Variants in NWD2 observed in about 807,000 individuals in gnomAD.
The protein encoded by NWD2 is NACHT and WD repeat domain containing 2.
A neutral mutation model predicts 132.7 loss-of-function variants in NWD2; 37 were observed. That is an observed-to-expected ratio of 0.28 (90% confidence interval 0.21 to 0.37). NWD2 has a LOEUF of 0.37. Ranked by LOEUF, NWD2 falls within the 10% of genes least tolerant of loss-of-function variation. The pLI is 1.00. For missense variants in NWD2, 1,592 were observed against 2,122.4 expected (o/e 0.75, Z 4.91); for synonymous variants, 705 against 803.0 (o/e 0.88, Z 2.06).
intron 3 of NWD2, among the ~76,000 whole-genome samples, chr4:37,403,237 G>T (rs1319544207): frequency 6.6e-6 from 1 of 152,186 alleles, no homozygotes; most frequent in Non-Finnish European, 1.5e-5. Flanking sequence ...CATTCTGGTA[G>T]TTTATAGTGG....
intron 3 of NWD2, among the ~76,000 whole-genome samples, chr4:37,409,756 G>T (rs1721118271): frequency 6.6e-6 from 1 of 152,170 alleles, no homozygotes; most frequent in African/African-American, 2.4e-5. Flanking sequence ...CAGCCAGAGA[G>T]AAAGGTCGGG....
chr4:37,363,753 A>G (rs919167709), intron 3 of NWD2, among the ~76,000 whole-genome samples: 1 of 152,206 alleles, frequency 6.6e-6, no homozygotes, highest in Non-Finnish European at 1.5e-5. Context: ...CCCAAACCTC[A>G]GCATCATGCA....
At chr4:37,347,126 A>G (rs993825899) in intron 2 of NWD2, among the ~76,000 whole-genome samples, 1 of 151,970 alleles carries the variant, frequency 6.6e-6, no homozygotes, top group Non-Finnish European at 1.5e-5. Context: ...AATTTCCTAA[A>G]TTTTTTTGTA....
At chr4:37,348,712 C>T (rs111858498) in intron 2 of NWD2, among the ~76,000 whole-genome samples, 1,261 of 110,298 alleles carry the variant, frequency 0.011, 32 homozygotes, top group African/African-American at 0.044. Context: ...ACTTTAAGTT[C>T]TGAGATACAT....
At chr4:37,251,172 G>A (rs573803991) in intron 1 of NWD2, among the ~76,000 whole-genome samples, 1 of 152,150 alleles carries the variant, frequency 6.6e-6, no homozygotes, top group Non-Finnish European at 1.5e-5. Context: ...CCAGCTACTT[G>A]GGAGGCTGAG....
intron 3 of NWD2, among the ~76,000 whole-genome samples, chr4:37,394,527 G>C (rs903096706): frequency 6.6e-6 from 1 of 152,164 alleles, no homozygotes; most frequent in African/African-American, 2.4e-5. Flanking sequence ...TAAAGTGAGA[G>C]GAGTAGATTG....
At chr4:37,311,839 C>A (rs113360849) in intron 1 of NWD2, among the ~76,000 whole-genome samples, 1 of 149,356 alleles carries the variant, frequency 6.7e-6, no homozygotes, top group African/African-American at 2.6e-5. Context: ...TTTCAGCATT[C>A]TACATATGGC....
intron 3 of NWD2, among the ~76,000 whole-genome samples, chr4:37,399,791 G>T (rs1720866981): frequency 6.6e-6 from 1 of 152,158 alleles, no homozygotes; most frequent in Non-Finnish European, 1.5e-5. Flanking sequence ...ACAGTCCCAT[G>T]CCAGTGGCAT....
chr4:37,418,517 A>G (rs2973220), intron 3 of NWD2, among the ~76,000 whole-genome samples: 149,040 of 152,088 alleles, frequency 0.98, 73,090 homozygotes, highest in Middle Eastern at 1. Context: ...AGTGGAGAAA[A>G]CCAACACTGT....
At chr4:37,260,451 CTCTT>C (rs2109258971) in intron 1 of NWD2, among the ~76,000 whole-genome samples, 2 of 152,296 alleles carry the variant, frequency 1.3e-5, no homozygotes, top group Admixed American at 1.3e-4. Context: ...TGGGCTCTAG[CTCTT>C]TCTTCCTAAC....
intron 2 of NWD2, among the ~76,000 whole-genome samples, chr4:37,351,695 TA>T (rs1719767661): frequency 6.6e-6 from 1 of 152,218 alleles, no homozygotes; most frequent in Non-Finnish European, 1.5e-5. Flanking sequence ...GCTCTGATCT[TA>T]GTTATTTCTT....
In NWD2 at chr4:37,370,980, C is replaced by T. The variant is rs181269462; in HGVS notation, c.357+14498C>T. Reference sequence around the variant, plus strand: ...CCACACAGACCGCCACACCTGCTTACATACACCCACACATTAAACCAATCT... The same window carrying T: ...CCACACAGACCGCCACACCTGCTTATATACACCCACACATTAAACCAATCT... On this transcript the variant is annotated intron_variant, in intron 3 of 6. Coordinates refer to ENST00000309447, the MANE Select transcript of NWD2 (RefSeq NM_001144990.2). Among the ~76,000 whole-genome samples the T allele has an allele frequency of 9.5e-4, 144 of 151,656 alleles. 2 individuals carry two copies. Among genetic ancestry groups the T allele is most frequent in the African/African-American group, 3.4e-3 (139 of 41,400 alleles).
intron 3 of NWD2, among the ~76,000 whole-genome samples, chr4:37,387,735 C>T (rs541917986): frequency 2.3e-4 from 33 of 141,570 alleles, no homozygotes; most frequent in African/African-American, 8.1e-4. Context: ...AGTGCAATGG[C>T]GCGATCTTGG....
intron 1 of NWD2, among the ~76,000 whole-genome samples, chr4:37,298,818 A>G (rs1052370109): frequency 6.6e-6 from 1 of 152,074 alleles, no homozygotes; most frequent in Non-Finnish European, 1.5e-5. Context: ...AATGTTAATC[A>G]CCCCGTTATG....
At chr4:37,359,857 CAT>C (rs35173558) in intron 3 of NWD2, among the ~76,000 whole-genome samples, 43,402 of 152,040 alleles carry the variant, frequency 0.29, 7,464 homozygotes, top group Middle Eastern at 0.45. Flanking sequence ...GTTTTACACA[CAT>C]GTTTTTGTCC....
intron 2 of NWD2, among the ~76,000 whole-genome samples, chr4:37,344,902 C>T (rs1719601802): frequency 6.6e-6 from 1 of 152,170 alleles, no homozygotes; most frequent in African/African-American, 2.4e-5. Flanking sequence ...CCCTAAGCAA[C>T]TGCTAATCTG....
In NWD2 at chr4:37,445,509, T is replaced by C. The variant is rs901424214; in HGVS notation, c.3521T>C (p.Ile1174Thr). The C allele has an allele frequency of 6.4e-7, 1 of 1,551,844 alleles. No homozygotes were observed. The highest frequency in any genetic ancestry group is 8.7e-7 in the Non-Finnish European group (1 of 1,147,046). ...GSLSVWNTEDISSPQLTDDFD... is the reference protein window; with the variant it reads ...GSLSVWNTEDTSSPQLTDDFD... ...CTTTCTGTTTGGAATACTGAGGACA[T>C]TTCCAGCCCCCAGCTGACTGATGAC... The change falls in exon 7 of 7, where the codon ATT becomes ACT. Residue 1174 changes from isoleucine to threonine, a missense_variant. Transcript: ENST00000309447. The surrounding 1 kb of genome is among the most constrained non-coding windows in gnomAD (Gnocchi z 4.7).
chr4:37,330,443 A>G (rs1447121108), intron 2 of NWD2, among the ~76,000 whole-genome samples: 4 of 152,208 alleles, frequency 2.6e-5, no homozygotes, highest in Non-Finnish European at 5.9e-5. Context: ...GGAAAAAAGT[A>G]AAGACAGACT....
At chr4:37,430,174 C>A (rs1388897127) in intron 3 of NWD2, among the ~76,000 whole-genome samples, 3 of 152,096 alleles carry the variant, frequency 2.0e-5, no homozygotes, top group Admixed American at 6.6e-5. Flanking sequence ...GCTATCAGTT[C>A]TTGACAGAGC....
Sources: allele counts gnomAD v4.1 joint callset (sites outside exome capture counted in the v4.1 genomes callset), GRCh38; gene constraint gnomAD v4.1.1; non-coding constraint Gnocchi (gnomAD v3.1); transcripts MANE v1.5; gene names NCBI Gene and HGNC (gene_info 2026-07-23, HGNC 2026-07-21).